MAP4: variants seen among roughly 807,000 people sequenced by gnomAD.
MAP4 encodes the protein microtubule-associated protein 4.
In MAP4, 76 loss-of-function variants were observed where a neutral mutation model predicts 170.2. The ratio of observed to expected loss-of-function variants is 0.45; its 90% CI spans 0.37 to 0.54. The LOEUF (loss-of-function observed/expected upper bound fraction) is 0.54, where lower values mean the gene tolerates loss of function less well. MAP4 is among the 20% of genes least tolerant of loss of function. The pLI is 0.00. For missense variants in MAP4, 2,506 were observed against 2,748.0 expected (o/e 0.91, Z 1.97); for synonymous variants, 909 against 994.5 (o/e 0.91, Z 1.62).
chr3:47,856,534 A>C (rs1052375000), intron 18 of MAP4, among the ~76,000 whole-genome samples: 1 of 151,336 alleles, frequency 6.6e-6, no homozygotes, highest in African/African-American at 2.4e-5. Context: ...GCCTCACTGT[A>C]GTCTCTGCCT....
intron 1 of MAP4, 94 bp from the exon 2 acceptor site, chr3:47,998,973 G>C: frequency 1.3e-6 from 1 of 749,470 alleles, no homozygotes. Flanking sequence ...ACAAACAAAA[G>C]AATCAAAATC....
chr3:48,034,034 C>T (rs2100117523), intron 1 of MAP4, among the ~76,000 whole-genome samples: 1 of 152,094 alleles, frequency 6.6e-6, no homozygotes, highest in South Asian at 2.1e-4. Flanking sequence ...TTTTATCATT[C>T]TAATCTCTTT....
intron 3 of MAP4, among the ~76,000 whole-genome samples, chr3:47,930,975 C>T (rs1340871066): frequency 6.6e-6 from 1 of 150,874 alleles, no homozygotes; most frequent in Non-Finnish European, 1.5e-5. Flanking sequence ...AGACATTTTA[C>T]CAAAGAAAAT....
At chr3:48,054,028 G>A (rs573228226) in intron 1 of MAP4, among the ~76,000 whole-genome samples, 1 of 152,228 alleles carries the variant, frequency 6.6e-6, no homozygotes, top group African/African-American at 2.4e-5. Flanking sequence ...ACCCAGCCAG[G>A]CATGGTGGCT....
intron 1 of MAP4, among the ~76,000 whole-genome samples, chr3:48,080,218 A>C (rs142145096): frequency 3.9e-5 from 6 of 152,348 alleles, no homozygotes; most frequent in African/African-American, 1.4e-4. Context: ...ATCTTTCTAA[A>C]ATGACAAATC....
At chr3:47,924,494 G>A (rs2153730614) in intron 4 of MAP4, among the ~76,000 whole-genome samples, 1 of 152,112 alleles carries the variant, frequency 6.6e-6, no homozygotes, top group African/African-American at 2.4e-5. Context: ...AAAAAACCTT[G>A]GAGTCATCCT....
chr3:47,896,676 A>T (rs1440023323), intron 10 of MAP4, among the ~76,000 whole-genome samples: 1 of 152,190 alleles, frequency 6.6e-6, no homozygotes, highest in Non-Finnish European at 1.5e-5. Flanking sequence ...TGGACTGGAG[A>T]ACTGCTGCAC....
At chr3:48,002,787 G>T (rs966029082) in intron 1 of MAP4, among the ~76,000 whole-genome samples, 1 of 148,698 alleles carries the variant, frequency 6.7e-6, no homozygotes, top group African/African-American at 2.5e-5. Context: ...TGAGGCATGA[G>T]AATCACTGGA....
At chr3:48,032,327 T>A (rs1241902631) in intron 1 of MAP4, among the ~76,000 whole-genome samples, 1 of 151,734 alleles carries the variant, frequency 6.6e-6, no homozygotes, top group Non-Finnish European at 1.5e-5. Context: ...AAACTGCATT[T>A]CTACTAAAAA....
At chr3:47,922,502 A>G (rs2100043502) in intron 4 of MAP4, among the ~76,000 whole-genome samples, 1 of 152,166 alleles carries the variant, frequency 6.6e-6, no homozygotes, top group African/African-American at 2.4e-5. Flanking sequence ...TAAATTTTCA[A>G]TATATATTTA....
At chr3:48,078,585 C>T (rs2100145048) in intron 1 of MAP4, among the ~76,000 whole-genome samples, 1 of 151,940 alleles carries the variant, frequency 6.6e-6, no homozygotes, top group Non-Finnish European at 1.5e-5. Flanking sequence ...TAGAAAGGGG[C>T]CGTGAATGAC....
chr3:47,931,654 A>C (rs1331256818), intron 3 of MAP4, among the ~76,000 whole-genome samples: 1 of 143,220 alleles, frequency 7.0e-6, no homozygotes, highest in Non-Finnish European at 1.5e-5. Flanking sequence ...AATTTAAACA[A>C]AATTTTTTTT....
intron 1 of MAP4, among the ~76,000 whole-genome samples, chr3:48,086,972 C>T (rs1229907873): frequency 6.6e-6 from 1 of 152,180 alleles, no homozygotes; most frequent in Non-Finnish European, 1.5e-5. Flanking sequence ...TGGTTGGATA[C>T]CATTTTTGCC....
intron 6 of MAP4, among the ~76,000 whole-genome samples, chr3:47,917,873 G>A (rs955132840): frequency 6.6e-6 from 1 of 152,064 alleles, no homozygotes; most frequent in East Asian, 1.9e-4. Flanking sequence ...TTTGAGACAC[G>A]GTCTCACGCT....
intron 2 of MAP4, among the ~76,000 whole-genome samples, chr3:47,986,786 G>A (rs974904511): frequency 6.6e-6 from 1 of 152,100 alleles, no homozygotes. Flanking sequence ...TTGCAAAAAT[G>A]TCACACTAAT....
intron 1 of MAP4, among the ~76,000 whole-genome samples, chr3:48,050,929 C>T (rs1245956407): frequency 6.7e-6 from 1 of 150,048 alleles, no homozygotes; most frequent in Non-Finnish European, 1.5e-5. Context: ...AGGCAGAAAG[C>T]CAAAACTATT....
At chr3:47,997,161 C>A (rs2100096210) in intron 2 of MAP4, among the ~76,000 whole-genome samples, 1 of 150,876 alleles carries the variant, frequency 6.6e-6, no homozygotes. Context: ...TAATTGGAAT[C>A]CCAGGAGAAA....
At chr3:48,002,695 A>G (rs2100099869) in intron 1 of MAP4, among the ~76,000 whole-genome samples, 1 of 152,162 alleles carries the variant, frequency 6.6e-6, no homozygotes, top group Non-Finnish European at 1.5e-5. Context: ...AGCCTGGCCA[A>G]CACGGTGAAA....
At chr3:47,927,764 C>T (rs924651333) in intron 4 of MAP4, among the ~76,000 whole-genome samples, 18 of 152,136 alleles carry the variant, frequency 1.2e-4, no homozygotes, top group African/African-American at 3.9e-4. Flanking sequence ...CATAACCCAC[C>T]GCACCTGGTC....
Sources: gnomAD v4.1 joint callset for allele counts (sites outside exome capture counted in the v4.1 genomes callset) on GRCh38, gnomAD v4.1.1 for gene constraint, MANE v1.5 for transcripts, NCBI Gene and HGNC (gene_info 2026-07-23, HGNC 2026-07-21) for gene names.